The following CREB5 variants were observed in gnomAD, a reference collection of about 807,000 sequenced individuals.
The protein encoded by CREB5 is cAMP responsive element binding protein 5, also known as cyclic AMP-responsive element-binding protein 5.
A neutral mutation model predicts 57.1 loss-of-function variants in CREB5; 19 were observed. The ratio of observed to expected loss-of-function variants is 0.33; its 90% CI spans 0.23 to 0.49. CREB5 has a LOEUF of 0.49. CREB5 is among the 20% of genes least tolerant of loss of function. The probability of loss-of-function intolerance (pLI) is 0.99; values close to 1 mark genes in which losing one functional copy is unlikely to be tolerated. For missense variants in CREB5, 579 were observed against 671.6 expected, an observed-to-expected ratio of 0.86 and a Z score of 1.52; for synonymous variants, 238 against 238.3, an observed-to-expected ratio of 1.00 and a Z score of 0.01.
intron 4 of CREB5, among the ~76,000 whole-genome samples, chr7:28,524,316 A>AACACACACAC (rs4000595): frequency 0.013 from 1,780 of 136,606 alleles, 21 homozygotes; most frequent in Middle Eastern, 0.027. Flanking sequence ...GCCTCTACTA[A>AACACACACAC]ACACACACAC....
chr7:28,750,437 C>T (rs573318125), intron 7 of CREB5, among the ~76,000 whole-genome samples: 78 of 152,116 alleles, frequency 5.1e-4, no homozygotes, highest in Non-Finnish European at 1.1e-3. Context: ...GTTGTCTGGG[C>T]TTGCTTTTTC....
chr7:28,602,718 G>A (rs1031055469), intron 5 of CREB5, among the ~76,000 whole-genome samples: 3 of 152,218 alleles, frequency 2.0e-5, no homozygotes, highest in African/African-American at 7.2e-5. Flanking sequence ...TGGGTAGAGA[G>A]GCTGGAGTTG....
At chr7:28,810,657 C>T (rs1272932740) in intron 9 of CREB5, among the ~76,000 whole-genome samples, 5 of 152,026 alleles carry the variant, frequency 3.3e-5, no homozygotes, top group African/African-American at 4.8e-5. Context: ...GATCGCACCA[C>T]GGTACTCCAG....
chr7:28,678,405 A>C (rs1229058501), intron 5 of CREB5, among the ~76,000 whole-genome samples: 1 of 152,178 alleles, frequency 6.6e-6, no homozygotes, highest in Admixed American at 6.5e-5. Context: ...TAAAAATAAA[A>C]ATAAAAATAA....
intron 1 of CREB5, among the ~76,000 whole-genome samples, chr7:28,360,769 A>G (rs768217484): frequency 6.6e-6 from 1 of 152,194 alleles, no homozygotes; most frequent in Non-Finnish European, 1.5e-5. Flanking sequence ...GTGCCTTATA[A>G]AACGTGTAGT....
intron 5 of CREB5, among the ~76,000 whole-genome samples, chr7:28,614,444 C>G (rs1293376841): frequency 6.6e-6 from 1 of 152,146 alleles, no homozygotes; most frequent in Non-Finnish European, 1.5e-5. Context: ...GAGACCAAGA[C>G]TAAGTGAGAC....
intron 1 of CREB5, among the ~76,000 whole-genome samples, chr7:28,419,047 A>G (rs1382571206): frequency 6.6e-6 from 1 of 152,222 alleles, no homozygotes; most frequent in Non-Finnish European, 1.5e-5. Flanking sequence ...ATACATAAGG[A>G]TATATTAACT....
chr7:28,436,750 C>G (rs1224321982), intron 1 of CREB5, among the ~76,000 whole-genome samples: 1 of 151,938 alleles, frequency 6.6e-6, no homozygotes, highest in Non-Finnish European at 1.5e-5. Context: ...CTGAGATTCT[C>G]TTAAGTTTTG....
chr7:28,580,977 T>C (rs946078067), intron 5 of CREB5, among the ~76,000 whole-genome samples: 4 of 152,188 alleles, frequency 2.6e-5, no homozygotes, highest in African/African-American at 7.2e-5. Flanking sequence ...GTCTGAATTC[T>C]TGGCTTTTCT....
At chr7:28,638,068 A>G (rs1240214780) in intron 5 of CREB5, among the ~76,000 whole-genome samples, 1 of 152,160 alleles carries the variant, frequency 6.6e-6, no homozygotes, top group East Asian at 1.9e-4. Flanking sequence ...ATATTGATTT[A>G]TGATTTTTAA....
intron 1 of CREB5, among the ~76,000 whole-genome samples, chr7:28,323,977 G>A: frequency 6.6e-6 from 1 of 152,128 alleles, no homozygotes; most frequent in Admixed American, 6.5e-5. Context: ...CAGGGTTCAT[G>A]CTCCTATGAG....
At chr7:28,417,638 G>T (rs1275821803) in intron 1 of CREB5, among the ~76,000 whole-genome samples, 39 of 152,180 alleles carry the variant, frequency 2.6e-4, no homozygotes, top group Admixed American at 2.6e-3. Flanking sequence ...AGCTCCACAA[G>T]TGTTTCCAAT....
At chr7:28,331,269 C>T (rs1432290885) in intron 1 of CREB5, among the ~76,000 whole-genome samples, 1 of 151,916 alleles carries the variant, frequency 6.6e-6, no homozygotes, top group African/African-American at 2.4e-5. Context: ...AATTCAATAC[C>T]ATAGTTTGGT....
chr7:28,425,592 G>A (rs535298307), intron 1 of CREB5, among the ~76,000 whole-genome samples: 124 of 152,292 alleles, frequency 8.1e-4, no homozygotes, highest in African/African-American at 2.8e-3. Flanking sequence ...TATGGTATGT[G>A]AATTAGGTCT....
chr7:28,420,084 C>T (rs928755403), intron 1 of CREB5, among the ~76,000 whole-genome samples: 1 of 131,416 alleles, frequency 7.6e-6, no homozygotes, highest in African/African-American at 2.9e-5. Context: ...ATGGAGGCAG[C>T]ATGGGCAAAG....
chr7:28,442,374 GCTAT>G (rs1434006454), intron 1 of CREB5, among the ~76,000 whole-genome samples: 1 of 152,060 alleles, frequency 6.6e-6, no homozygotes, highest in Non-Finnish European at 1.5e-5. Flanking sequence ...CTATATCTTA[GCTAT>G]CGTGAATAGT....
chr7:28,358,185 G>A (rs560821858), intron 1 of CREB5, among the ~76,000 whole-genome samples: 80 of 152,248 alleles, frequency 5.3e-4, no homozygotes, highest in African/African-American at 1.8e-3. Context: ...CAATCAGAAC[G>A]GGGGCTTAAA....
At chr7:28,761,321 G>A (rs971303602) in intron 7 of CREB5, among the ~76,000 whole-genome samples, 6 of 152,206 alleles carry the variant, frequency 3.9e-5, no homozygotes, top group African/African-American at 1.4e-4. Context: ...GATATTAACT[G>A]CTCTGGACTT....
At chr7:28,687,100 CT>C (rs1225488037) in intron 5 of CREB5, among the ~76,000 whole-genome samples, 1 of 152,070 alleles carries the variant, frequency 6.6e-6, no homozygotes, top group African/African-American at 2.4e-5. Flanking sequence ...TATACTGCAG[CT>C]TTTAAAAGTA....
Sources: gnomAD v4.1 joint callset for allele counts (sites outside exome capture counted in the v4.1 genomes callset) on GRCh38, gnomAD v4.1.1 for gene constraint, MANE v1.5 for transcripts, NCBI Gene and HGNC (gene_info 2026-07-23, HGNC 2026-07-21) for gene names.